The following ENAH variants were observed in gnomAD, a reference collection of about 807,000 sequenced individuals.
ENAH encodes the protein protein enabled homolog.
A neutral mutation model predicts 78.7 loss-of-function variants in ENAH; 23 were observed. That is an observed-to-expected ratio of 0.29 (90% CI 0.21 to 0.41). The LOEUF (loss-of-function observed/expected upper bound fraction) is 0.41. Among genes scored for constraint, ENAH ranks in the 10% least tolerant of loss-of-function variants. The pLI is 1.00. For synonymous variants in ENAH, 226 were observed against 241.0 expected (o/e 0.94, Z 0.58); for missense variants, 544 against 691.0 (o/e 0.79, Z 2.39).
At chr1:225,517,512 C>T (rs528081894) in intron 5 of ENAH, 147 of 1,551,412 alleles carry the variant, frequency 9.5e-5, no homozygotes, top group Non-Finnish European at 1.2e-4. Context: ...TGGGTGCTGT[C>T]GGTGATGGAG....
intron 1 of ENAH, among the ~76,000 whole-genome samples, chr1:225,571,132 A>T (rs1328642409): frequency 2.0e-5 from 3 of 151,732 alleles, no homozygotes; most frequent in Non-Finnish European, 2.9e-5. Flanking sequence ...TAAACTCAGC[A>T]CTTTGGGAGG....
At chr1:225,577,211 C>T (rs893775602) in intron 1 of ENAH, among the ~76,000 whole-genome samples, 1 of 151,746 alleles carries the variant, frequency 6.6e-6, no homozygotes, top group African/African-American at 2.4e-5. Flanking sequence ...TTAAGGATAC[C>T]AAACTTGATT....
chr1:225,558,627 C>CTTTTTTTTTTTTTTTTTTTTTT (rs71170091), intron 2 of ENAH, among the ~76,000 whole-genome samples: 2 of 69,218 alleles, frequency 2.9e-5, no homozygotes, highest in African/African-American at 5.6e-5. Flanking sequence ...TAATTTCTGC[C>CTTTTTTTTTTTTTTTTTTTTTT]TTTTTTTTTT....
rs919012020 is a variant in ENAH at position 225,576,153 on chromosome 1, T to C, written c.6-8739A>G. On this transcript the variant is annotated intron_variant, in intron 1 of 13. Coordinates refer to ENST00000366843, the MANE Select transcript of ENAH (RefSeq NM_018212.6). ...TCAGCTGGGCACAATGGCACATGCC[T>C]GTAGTCTTAAGTACTTGGGAGGCTG... 2.0e-5 allele frequency among the ~76,000 whole-genome samples: 3 copies of C among 151,962 alleles called. No individual in the cohort carries two copies. In the East Asian group the frequency reaches 5.8e-4, roughly 29 times the overall value.
rs1371343661 is a variant in ENAH at position 225,487,832 on chromosome 1, G to T, written c.*9943C>A. The T allele has an allele frequency of 6.6e-6, 1 of 152,062 alleles. No homozygotes were observed. The highest frequency in any genetic ancestry group is 6.5e-5 in the Admixed American group (1 of 15,270). The allele number at this position is 152,062 out of a possible 1,614,324, so 9.4% of individuals were successfully genotyped here. ...TCCAATTCCAGCATATATTATGAAA[G>T]GTTATGGACTGTGACTATCCATCCT... On this transcript the variant is annotated 3_prime_UTR_variant, in exon 14 of 14. Coordinates refer to ENST00000366843, the MANE Select transcript of ENAH (RefSeq NM_018212.6).
chr1:225,561,404 A>G (rs1019106967), intron 2 of ENAH, among the ~76,000 whole-genome samples: 5 of 151,982 alleles, frequency 3.3e-5, no homozygotes, highest in Non-Finnish European at 5.9e-5. Flanking sequence ...CAAGCAGATC[A>G]TGAGGTCAGG....
chr1:225,564,877 C>A (rs2096727082), intron 2 of ENAH, among the ~76,000 whole-genome samples: 1 of 151,800 alleles, frequency 6.6e-6, no homozygotes, highest in Admixed American at 6.6e-5. Context: ...CTACTACATA[C>A]AATTAAGACT....
chr1:225,596,229 C>T (rs1045771336), intron 1 of ENAH, among the ~76,000 whole-genome samples: 1 of 152,180 alleles, frequency 6.6e-6, no homozygotes, highest in African/African-American at 2.4e-5. Context: ...ACAAAGTACT[C>T]TTCATTGAAA....
rs547913038 is a variant in ENAH, at chr1:225,634,019, C to T, written c.5+18667G>A. ...ATAAATTAACAATGAAGTACCTCAA[C>T]TTCTTTAAAAGTGTTTTATTTTTTC... On this transcript the variant is annotated intron_variant, in intron 1 of 13. Transcript: ENST00000366843. 2.6e-5 allele frequency among the ~76,000 whole-genome samples: 4 copies of T among 152,292 alleles called. No homozygotes were observed. The South Asian group carries it at 8.3e-4, about 32-fold the overall frequency.
intron 3 of ENAH, among the ~76,000 whole-genome samples, chr1:225,551,505 A>G (rs1558799488): frequency 6.6e-6 from 1 of 152,170 alleles, no homozygotes; most frequent in Non-Finnish European, 1.5e-5. Context: ...GTGAGCTAGT[A>G]ATTTTCAAAT....
rs1451362893 is a variant in ENAH, at chr1:225,490,362, CAGG to C, written c.*7410_*7412del. 2.6e-5 allele frequency: 4 copies of C among 152,304 alleles called. No individual in the cohort carries two copies. Among genetic ancestry groups the C allele is most frequent in the Admixed American group, 6.5e-5 (1 of 15,288 alleles). The allele number at this position is 152,304 out of a possible 1,614,324, so 9.4% of individuals were successfully genotyped here. A position where few individuals can be genotyped will look rare whatever the true frequency, so the allele number is the denominator to read the frequency against. On this transcript the variant is annotated 3_prime_UTR_variant, in exon 14 of 14. Coordinates refer to ENST00000366843, the MANE Select transcript of ENAH (RefSeq NM_018212.6). ...CCGAGGCGGGCAGATCACCTGAGCT[CAGG>C]AGTTCAAGACCAGCCTGGGCAACAT...
intron 1 of ENAH, among the ~76,000 whole-genome samples, chr1:225,648,758 CTT>C (rs57529265): frequency 1.8e-4 from 24 of 134,608 alleles, no homozygotes; most frequent in Admixed American, 2.3e-4. Context: ...AGATTATCTC[CTT>C]TTTTTTTTTT....
chr1:225,542,574 C>G (rs969908225), intron 3 of ENAH, among the ~76,000 whole-genome samples: 1 of 152,368 alleles, frequency 6.6e-6, no homozygotes, highest in Admixed American at 6.5e-5. Flanking sequence ...CAACCTCTAT[C>G]TAAAACAACA....
At chr1:225,595,095 G>A (rs1193121698) in intron 1 of ENAH, among the ~76,000 whole-genome samples, 1 of 152,166 alleles carries the variant, frequency 6.6e-6, no homozygotes, top group Non-Finnish European at 1.5e-5. Context: ...AGCACTTTGG[G>A]AGGCCAAGGC....
chr1:225,523,860 A>G (rs1049560213), intron 4 of ENAH, among the ~76,000 whole-genome samples: 3 of 152,206 alleles, frequency 2.0e-5, no homozygotes, highest in African/African-American at 7.2e-5. Flanking sequence ...GGAAATGCAC[A>G]TGGCTCCTCT....
chr1:225,546,761 T>C (rs2096615985), intron 3 of ENAH, among the ~76,000 whole-genome samples: 1 of 152,164 alleles, frequency 6.6e-6, no homozygotes, highest in Non-Finnish European at 1.5e-5. Flanking sequence ...TTGAACTCAA[T>C]ATTTAGAGTC....
chr1:225,506,868 T>C (rs973654777), intron 11 of ENAH, among the ~76,000 whole-genome samples: 1 of 152,308 alleles, frequency 6.6e-6, no homozygotes, highest in African/African-American at 2.4e-5. Context: ...ATAAAGTCTA[T>C]CCCTGTACTT....
chr1:225,556,364 A>C lies in ENAH; in HGVS notation c.172-1281T>G, dbSNP rs74640858. On this transcript the variant is annotated intron_variant, in intron 2 of 13. Transcript: ENST00000366843. The stretch of plus-strand genomic sequence containing the variant: ...CTTGTGCTACTTCTACATACTATGC[A>C]ACATTACAACTGGTACTGTCAGTCT... Among the ~76,000 whole-genome samples, 14 of 152,350 alleles carry C rather than the reference A, an allele frequency of 9.2e-5. No individual in the cohort carries two copies. The East Asian group carries it at 1.5e-3, about 17-fold the overall frequency.
At chr1:225,526,547 C>T (rs1403585542) in intron 4 of ENAH, among the ~76,000 whole-genome samples, 1 of 151,910 alleles carries the variant, frequency 6.6e-6, no homozygotes, top group African/African-American at 2.4e-5. Context: ...CCATATTGGC[C>T]AGGCTGGTCT....
Sources: gnomAD v4.1 joint callset for allele counts (sites outside exome capture counted in the v4.1 genomes callset) on GRCh38, gnomAD v4.1.1 for gene constraint, MANE v1.5 for transcripts, NCBI Gene and HGNC (gene_info 2026-07-23, HGNC 2026-07-21) for gene names.